ATRN: variants seen among roughly 807,000 people sequenced by gnomAD.
The protein encoded by ATRN is attractin, also known as attractin-2.
A neutral mutation model predicts 178.7 loss-of-function variants in ATRN; 54 were observed. That is an observed-to-expected ratio of 0.30 (90% CI 0.24 to 0.38). ATRN has a LOEUF of 0.38. ATRN is among the 10% of genes least tolerant of loss of function. ATRN has a pLI of 1.00. For synonymous variants in ATRN, 636 were observed against 663.0 expected, an observed-to-expected ratio of 0.96 and a Z score of 0.63; for missense variants, 1,443 against 1,815.1, an observed-to-expected ratio of 0.79 and a Z score of 3.73.
intron 24 of ATRN, among the ~76,000 whole-genome samples, chr20:3,619,616 A>C (rs574574252): frequency 6.6e-6 from 1 of 152,226 alleles, no homozygotes; most frequent in African/African-American, 2.4e-5. Flanking sequence ...AGCATTTGTT[A>C]TGTGGTAGTG....
At chr20:3,559,302 G>A in intron 6 of ATRN, 91 bp from the exon 7 acceptor site, 1 of 983,770 alleles carries the variant, frequency 1.0e-6, no homozygotes, top group Non-Finnish European at 1.6e-6. Flanking sequence ...GATTTAGTGA[G>A]CATCTCCAAA....
chr20:3,544,064 C>A (rs1001107644), intron 3 of ATRN, among the ~76,000 whole-genome samples: 6 of 152,124 alleles, frequency 3.9e-5, no homozygotes, highest in Non-Finnish European at 8.8e-5. Context: ...CAAAACAAAG[C>A]AAAACAAAAG....
Position 3,532,415 on chromosome 20 carries a change from CT to C in ATRN, c.411-2835del, listed in dbSNP as rs564749841. Among the ~76,000 whole-genome samples the C allele has an allele frequency of 3.3e-5, 5 of 152,186 alleles. No homozygotes were observed. In the South Asian group the frequency reaches 1.0e-3, roughly 32 times the overall value. On this transcript the variant is annotated intron_variant, in intron 1 of 28. Coordinates refer to ENST00000262919, the MANE Select transcript of ATRN (RefSeq NM_139321.3). ...ACTGTTTTTCAGGGACTTTGCATTC[CT>C]TTGATTTGTCATTCTTGGTGTTGGC...
At chr20:3,612,967 T>C (rs575794981) in intron 24 of ATRN, among the ~76,000 whole-genome samples, 8 of 152,284 alleles carry the variant, frequency 5.3e-5, no homozygotes, top group Admixed American at 5.2e-4. Flanking sequence ...TCCCTATTGC[T>C]CCACCCTCTG....
intron 18 of ATRN, among the ~76,000 whole-genome samples, 180 bp from the exon 19 acceptor site, chr20:3,590,989 C>T (rs570439853): frequency 6.6e-6 from 1 of 152,116 alleles, no homozygotes; most frequent in African/African-American, 2.4e-5. Flanking sequence ...TTCAATTTTC[C>T]TGGACTAGCT....
intron 11 of ATRN, among the ~76,000 whole-genome samples, chr20:3,571,196 CTAT>C (rs1221760362): frequency 1.3e-5 from 2 of 152,128 alleles, no homozygotes; most frequent in Admixed American, 6.5e-5. Context: ...GAGTCTTTTG[CTAT>C]TATTAACCCA....
At chr20:3,616,893 C>T (rs578198262) in intron 24 of ATRN, among the ~76,000 whole-genome samples, 20 of 152,178 alleles carry the variant, frequency 1.3e-4, no homozygotes, top group Admixed American at 1.3e-3. Context: ...CTCCTCTGCA[C>T]CTCCACAGCA....
chr20:3,524,894 C>A lies in ATRN; in HGVS notation c.411-10359C>A, dbSNP rs371993581. 2.0e-5 allele frequency among the ~76,000 whole-genome samples: 3 copies of A among 152,120 alleles called. No individual in the cohort carries two copies. The East Asian group carries it at 5.8e-4, about 29-fold the overall frequency. ...ACACGACATACCAGAATCTCTGGGA[C>A]GCAGCCAAAGCAGTGTTTAGAGGGA... is the stretch of plus-strand genomic sequence containing the variant. On this transcript the variant is annotated intron_variant, in intron 1 of 28. Transcript: ENST00000262919.
chr20:3,476,532 T>C lies in ATRN; in HGVS notation c.410+5015T>C, dbSNP rs560375447. On this transcript the variant is annotated intron_variant, in intron 1 of 28. Transcript: ENST00000262919. Reference sequence around the variant, plus strand: ...TCACTTCAGTCTCTCTGGCTGACGATCTGAGGACATAAATACCTTTTTAAC... The same window carrying C: ...TCACTTCAGTCTCTCTGGCTGACGACCTGAGGACATAAATACCTTTTTAAC... Among the ~76,000 whole-genome samples the C allele has an allele frequency of 1.2e-3, 186 of 152,360 alleles. 1 individual carries two copies. Among genetic ancestry groups the C allele is most frequent in the African/African-American group, 4.1e-3 (170 of 41,584 alleles).
intron 14 of ATRN, 29 bp from the exon 15 acceptor site, chr20:3,578,553 T>C: frequency 1.3e-6 from 2 of 1,565,560 alleles, no homozygotes; most frequent in Non-Finnish European, 1.7e-6. Context: ...TCTAAAATTC[T>C]TTTCTTTCTC....
At chr20:3,545,352 G>A (rs2085684856) in intron 3 of ATRN, among the ~76,000 whole-genome samples, 3 of 128,996 alleles carry the variant, frequency 2.3e-5, no homozygotes, top group African/African-American at 5.7e-5. Flanking sequence ...CAACAAGAGC[G>A]AAACTCTGTC....
chr20:3,544,826 G>GT (rs11481668), intron 3 of ATRN, among the ~76,000 whole-genome samples: 38,567 of 138,508 alleles, frequency 0.28, 5,516 homozygotes, highest in African/African-American at 0.31. Context: ...ACTCAGTAAG[G>GT]TTTTTTTTTT....
chr20:3,475,480 TAA>T (rs2084512864), intron 1 of ATRN, among the ~76,000 whole-genome samples: 1 of 152,104 alleles, frequency 6.6e-6, no homozygotes, highest in Non-Finnish European at 1.5e-5. Context: ...TTTTAAAGGA[TAA>T]GTTAAAGGAT....
intron 18 of ATRN, among the ~76,000 whole-genome samples, chr20:3,586,888 A>G (rs2086364932): frequency 6.6e-6 from 1 of 151,606 alleles, no homozygotes; most frequent in Admixed American, 6.6e-5. Flanking sequence ...ATCTTTCCAC[A>G]TCCTTGCCAA....
chr20:3,544,369 A>G (rs907592544), intron 3 of ATRN, among the ~76,000 whole-genome samples: 2 of 152,170 alleles, frequency 1.3e-5, no homozygotes, highest in Non-Finnish European at 2.9e-5. Flanking sequence ...TATATTGGTC[A>G]TCGTGTACAT....
intron 11 of ATRN, among the ~76,000 whole-genome samples, chr20:3,570,445 C>T (rs79045556): frequency 0.038 from 5,808 of 152,020 alleles, 148 homozygotes; most frequent in Non-Finnish European, 0.056. Context: ...ATTTCTTTCC[C>T]TTTGTTTACC....
intron 1 of ATRN, among the ~76,000 whole-genome samples, chr20:3,497,324 A>G (rs1306329858): frequency 2.0e-5 from 3 of 150,970 alleles, no homozygotes; most frequent in Admixed American, 6.6e-5. Context: ...CATGTTTAGC[A>G]CTTCCTTCAG....
At chr20:3,589,678 G>A (rs913555002) in intron 18 of ATRN, among the ~76,000 whole-genome samples, 21 of 88,842 alleles carry the variant, frequency 2.4e-4, no homozygotes, top group African/African-American at 9.0e-4. Context: ...TTGGTCAGTG[G>A]TTGGGTGTGC....
chr20:3,510,253 T>C (rs776235303), intron 1 of ATRN, among the ~76,000 whole-genome samples: 1 of 152,234 alleles, frequency 6.6e-6, no homozygotes, highest in Admixed American at 6.5e-5. Context: ...TGCCACACTT[T>C]AATCTAGAAC....
Sources: gnomAD v4.1 joint callset for allele counts (sites outside exome capture counted in the v4.1 genomes callset) on GRCh38, gnomAD v4.1.1 for gene constraint, MANE v1.5 for transcripts, NCBI Gene and HGNC (gene_info 2026-07-23, HGNC 2026-07-21) for gene names.